EPHA6: variants seen among roughly 807,000 people sequenced by gnomAD.
The protein encoded by EPHA6 is ephrin type-A receptor 6.
A neutral mutation model predicts 112.0 loss-of-function variants in EPHA6; 50 were observed. The observed-to-expected ratio is 0.45, with a 90% CI of 0.36 to 0.56. The LOEUF is 0.56. EPHA6 is among the 20% of genes least tolerant of loss of function. The pLI, the probability that EPHA6 is intolerant of heterozygous loss-of-function variation, is 0.00. For synonymous variants in EPHA6, 529 were observed against 490.7 expected, an observed-to-expected ratio of 1.08 and a Z score of -1.03; for missense variants, 1,280 against 1,417.4, an observed-to-expected ratio of 0.90 and a Z score of 1.56.
At chr3:97,118,784 A>C (rs1382060604) in intron 3 of EPHA6, among the ~76,000 whole-genome samples, 1 of 151,984 alleles carries the variant, frequency 6.6e-6, no homozygotes, top group Non-Finnish European at 1.5e-5. Context: ...ACAAATATAG[A>C]GGCTATTGTG....
intron 3 of EPHA6, among the ~76,000 whole-genome samples, chr3:97,034,828 G>A (rs1278290798): frequency 2.6e-5 from 4 of 151,818 alleles, no homozygotes; most frequent in Admixed American, 6.6e-5. Context: ...CACGGGAGAG[G>A]TCCTCTTGTA....
chr3:97,251,998 C>G (rs1193905493), intron 5 of EPHA6, among the ~76,000 whole-genome samples: 2 of 152,102 alleles, frequency 1.3e-5, no homozygotes, highest in African/African-American at 4.8e-5. Context: ...TTATATTGTT[C>G]AGTGACCATT....
At chr3:97,001,392 C>T (rs752453976) in intron 3 of EPHA6, among the ~76,000 whole-genome samples, 3 of 151,770 alleles carry the variant, frequency 2.0e-5, no homozygotes, top group Non-Finnish European at 4.4e-5. Context: ...GGAGGACATT[C>T]GTAATATTTT....
intron 11 of EPHA6, among the ~76,000 whole-genome samples, chr3:97,545,259 G>C (rs1363129776): frequency 6.6e-6 from 1 of 151,906 alleles, no homozygotes; most frequent in Non-Finnish European, 1.5e-5. Context: ...ATTCTGGTAT[G>C]TTGTGTCTTT....
At chr3:97,450,669 G>A (rs1456820632) in intron 7 of EPHA6, among the ~76,000 whole-genome samples, 3 of 151,914 alleles carry the variant, frequency 2.0e-5, no homozygotes, top group Admixed American at 1.3e-4. Flanking sequence ...AAAAAGAAAG[G>A]TTTTGTACTC....
chr3:97,265,135 G>T (rs1257409126), intron 5 of EPHA6, among the ~76,000 whole-genome samples: 3 of 152,112 alleles, frequency 2.0e-5, no homozygotes, highest in Non-Finnish European at 4.4e-5. Flanking sequence ...GCTTCAGAGG[G>T]AAGGAAGTGG....
intron 3 of EPHA6, among the ~76,000 whole-genome samples, chr3:97,095,838 G>A (rs2047220300): frequency 6.6e-6 from 1 of 151,928 alleles, no homozygotes; most frequent in Non-Finnish European, 1.5e-5. Context: ...AGTAAGTCTG[G>A]AGAGGAGCTT....
chr3:97,264,129 T>C (rs1355618654), intron 5 of EPHA6, among the ~76,000 whole-genome samples: 1 of 152,240 alleles, frequency 6.6e-6, no homozygotes, highest in Non-Finnish European at 1.5e-5. Flanking sequence ...GGGGTGTCAC[T>C]TTCCTTGCTG....
At chr3:97,439,557 C>G (rs2107269597) in intron 6 of EPHA6, 1 of 924,134 alleles carries the variant, frequency 1.1e-6, no homozygotes, top group East Asian at 8.1e-5. Context: ...TTGCCAACAA[C>G]AGAACCCAGC....
intron 5 of EPHA6, chr3:97,244,697 C>T (rs1382920067): frequency 6.8e-5 from 14 of 204,708 alleles, no homozygotes; most frequent in Non-Finnish European, 1.3e-4. Flanking sequence ...ATTTTTAAAA[C>T]TATAATTCAT....
chr3:97,333,468 C>CTTTTTTTTT lies in EPHA6; in HGVS notation c.1607-71667_1607-71659dup. 2.4e-3 allele frequency among the ~76,000 whole-genome samples: 180 copies of CTTTTTTTTT among 75,850 alleles called. 12 individuals carry two copies. Among genetic ancestry groups the CTTTTTTTTT allele is most frequent in the Middle Eastern group, 0.012 (1 of 82 alleles). The allele number at this position is 75,850 out of a possible 152,430, so 49.8% of individuals were successfully genotyped here. ...TTCCTTTACACTCTGTATGGCTTTT[C>CTTTTTTTTT]TTTTTTTTTTTTTTTTTTTTTTTGA... On this transcript the variant is annotated intron_variant, in intron 5 of 17. Coordinates refer to ENST00000389672, the MANE Select transcript of EPHA6 (RefSeq NM_001080448.3).
At chr3:97,356,198 AT>A (rs1336865813) in intron 5 of EPHA6, among the ~76,000 whole-genome samples, 2 of 152,208 alleles carry the variant, frequency 1.3e-5, no homozygotes, top group African/African-American at 4.8e-5. Flanking sequence ...CCTTATGAGA[AT>A]TTAAGCTTGA....
intron 16 of EPHA6, 101 bp downstream of exon 16, chr3:97,736,219 A>G: frequency 1.2e-6 from 1 of 855,494 alleles, no homozygotes; most frequent in Non-Finnish European, 1.7e-6. Context: ...TGCCTTGATA[A>G]CCATCTAGTT....
Position 96,885,060 on chromosome 3 carries a change from C to A in EPHA6, c.450+18171C>A, listed in dbSNP as rs114004610. Among the ~76,000 whole-genome samples, 485 of 152,252 alleles carry A rather than the reference C, an allele frequency of 3.2e-3. 3 individuals are homozygous for A. The highest frequency in any genetic ancestry group is 0.01 in the African/African-American group (433 of 41,546). Reference sequence around the variant, plus strand: ...TGTGTATGTTAAACCATCCCTCCACCACTGGTATGAAACCCACATGATCAT... The same window carrying A: ...TGTGTATGTTAAACCATCCCTCCACAACTGGTATGAAACCCACATGATCAT... On this transcript the variant is annotated intron_variant, in intron 2 of 17. Transcript: ENST00000389672.
At chr3:97,577,433 C>G (rs960649661) in intron 11 of EPHA6, among the ~76,000 whole-genome samples, 1 of 152,076 alleles carries the variant, frequency 6.6e-6, no homozygotes, top group African/African-American at 2.4e-5. Context: ...GTGAAACTTT[C>G]TTTCCTTCCT....
Position 97,063,710 on chromosome 3 carries a change from TTAAAAATA to T in EPHA6, c.1114+75723_1114+75730del, listed in dbSNP as rs1295145516. ...TATACTCTGGAATTTAAAATAAAAT[TTAAAAATA>T]TAAAAGAAAGGACAGGAGAAGCATA... is the stretch of plus-strand genomic sequence containing the variant. On this transcript the variant is annotated intron_variant, in intron 3 of 17. Coordinates refer to ENST00000389672, the MANE Select transcript of EPHA6 (RefSeq NM_001080448.3). Among the ~76,000 whole-genome samples, 9 of 151,808 alleles carry T rather than the reference TTAAAAATA, an allele frequency of 5.9e-5. No individual in the cohort carries two copies. In the East Asian group the frequency reaches 1.6e-3, roughly 26 times the overall value.
chr3:97,532,593 T>C (rs756161239), intron 11 of EPHA6, 50 bp downstream of exon 11: 3 of 1,491,852 alleles, frequency 2.0e-6, no homozygotes, highest in Admixed American at 2.4e-5. Context: ...TATCTCAGTT[T>C]TTTTTTAAGA....
intron 5 of EPHA6, among the ~76,000 whole-genome samples, chr3:97,248,731 C>T (rs1056724850): frequency 1.3e-5 from 2 of 152,016 alleles, no homozygotes; most frequent in African/African-American, 4.8e-5. Context: ...ATTTCATGTA[C>T]CTACTGTAGC....
intron 11 of EPHA6, among the ~76,000 whole-genome samples, chr3:97,551,276 A>T (rs1451439945): frequency 6.6e-6 from 1 of 152,200 alleles, no homozygotes; most frequent in East Asian, 1.9e-4. Context: ...GAATACAGAA[A>T]TAGAGCACAG....
Sources: allele counts gnomAD v4.1 joint callset (sites outside exome capture counted in the v4.1 genomes callset), GRCh38; gene constraint gnomAD v4.1.1; transcripts MANE v1.5; gene names NCBI Gene and HGNC (gene_info 2026-07-23, HGNC 2026-07-21).